ENOX1: variants seen among roughly 807,000 people sequenced by gnomAD.
The protein encoded by ENOX1 is ecto-NOX disulfide-thiol exchanger 1.
In ENOX1, 42 loss-of-function variants were observed where a neutral mutation model predicts 82.5. The ratio of observed to expected loss-of-function variants is 0.51; its 90% CI spans 0.40 to 0.66. The LOEUF (loss-of-function observed/expected upper bound fraction) is 0.66, where lower values mean the gene tolerates loss of function less well. Among genes scored for constraint, ENOX1 ranks in the 30% least tolerant of loss-of-function variants. The probability of loss-of-function intolerance (pLI) is 0.00; values close to 1 mark genes in which losing one functional copy is unlikely to be tolerated. For missense variants in ENOX1, 608 were observed against 811.6 expected (o/e 0.75, Z 3.05); for synonymous variants, 271 against 282.2 (o/e 0.96, Z 0.40).
chr13:43,616,120 C>CTATATAGATAGA lies in ENOX1; in HGVS notation c.-219+51358_-219+51359insTCTATCTATATA, dbSNP rs1566640764. The stretch of plus-strand genomic sequence containing the variant: ...TCTATATAGATAGATATCTATAGAT[C>CTATATAGATAGA]TATAGATATCTATCTATCTAGATAT... On this transcript the variant is annotated intron_variant, in intron 2 of 16. Coordinates refer to ENST00000690772, the MANE Select transcript of ENOX1 (RefSeq NM_001347969.2). Among the ~76,000 whole-genome samples, 2 of 11,356 alleles carry CTATATAGATAGA rather than the reference C, an allele frequency of 1.8e-4. 1 individual carries two copies. The highest frequency in any genetic ancestry group is 6.6e-4 in the African/African-American group (2 of 3,020). 7.4% of individuals were successfully genotyped at this position (11,356 alleles called of 152,430 possible).
At chr13:43,599,254 C>A (rs2081600385) in intron 2 of ENOX1, among the ~76,000 whole-genome samples, 1 of 152,044 alleles carries the variant, frequency 6.6e-6, no homozygotes, top group African/African-American at 2.4e-5. Context: ...CTGAAAGAGG[C>A]ACTGAAGAGG....
intron 1 of ENOX1, among the ~76,000 whole-genome samples, chr13:43,777,096 T>A (rs1406762257): frequency 2.0e-5 from 3 of 152,232 alleles, no homozygotes; most frequent in Non-Finnish European, 4.4e-5. Context: ...AAGGTTCGCT[T>A]GTTGCCATAC....
chr13:43,573,891 G>A (rs958558892), intron 2 of ENOX1, among the ~76,000 whole-genome samples: 1 of 152,116 alleles, frequency 6.6e-6, no homozygotes, highest in South Asian at 2.1e-4. Flanking sequence ...AGCATTAAAG[G>A]CTTTCCAAGG....
At position 43,265,430 on chromosome 13, in the gene ENOX1, C is replaced by T. The variant is rs764001017; in HGVS notation, c.1579G>A (p.Glu527Lys). 1.3e-5 allele frequency: 21 copies of T among 1,611,642 alleles called. No individual in the cohort carries two copies. The highest frequency in any genetic ancestry group is 6.7e-5 in the East Asian group (3 of 44,808). ...EQLKGTKELVETNGHSHEDSN... is the reference protein window; with the variant it reads ...EQLKGTKELVKTNGHSHEDSN... ...TCCTCATGGCTGTGGCCATTGGTCT[C>T]GACCAATTCCTTGGTACCTTTTAAC... Residue 527 changes from glutamate to lysine, a missense_variant, in exon 14 of 17, where the codon GAG becomes AAG. Coordinates refer to ENST00000690772, the MANE Select transcript of ENOX1 (RefSeq NM_001347969.2).
intron 2 of ENOX1, among the ~76,000 whole-genome samples, chr13:43,498,756 C>G (rs2076879322): frequency 6.6e-6 from 1 of 152,024 alleles, no homozygotes; most frequent in Non-Finnish European, 1.5e-5. Context: ...AGGAGCAGGA[C>G]AGTTAAAATG....
chr13:43,754,164 G>T (rs1289639109), intron 1 of ENOX1, among the ~76,000 whole-genome samples: 1 of 138,420 alleles, frequency 7.2e-6, no homozygotes, highest in East Asian at 2.0e-4. Flanking sequence ...ATGTATATAT[G>T]TATACATTAC....
intron 5 of ENOX1, among the ~76,000 whole-genome samples, chr13:43,396,579 C>A (rs2053166066): frequency 6.6e-6 from 1 of 152,062 alleles, no homozygotes; most frequent in Non-Finnish European, 1.5e-5. Context: ...CACGGTTTCA[C>A]CATGTTGGCC....
intron 3 of ENOX1, among the ~76,000 whole-genome samples, chr13:43,473,494 T>C (rs1030656012): frequency 6.6e-6 from 1 of 152,164 alleles, no homozygotes; most frequent in Admixed American, 6.5e-5. Flanking sequence ...ATCTTGAAAA[T>C]GTTTGCCTAT....
chr13:43,294,654 G>T (rs948919551), intron 12 of ENOX1, among the ~76,000 whole-genome samples: 5 of 152,142 alleles, frequency 3.3e-5, no homozygotes, highest in Non-Finnish European at 5.9e-5. Flanking sequence ...GAAAAATTAT[G>T]TCTACACAAA....
intron 14 of ENOX1, among the ~76,000 whole-genome samples, chr13:43,248,052 A>C (rs2043238458): frequency 6.8e-6 from 1 of 147,882 alleles, no homozygotes; most frequent in African/African-American, 2.5e-5. Flanking sequence ...CGCCTGTCTA[A>C]TTTTTTGTAT....
chr13:43,491,900 A>G (rs1175654037), intron 2 of ENOX1, among the ~76,000 whole-genome samples: 1 of 152,180 alleles, frequency 6.6e-6, no homozygotes, highest in East Asian at 1.9e-4. Flanking sequence ...TTCACCAGAA[A>G]TATCTGTTCC....
chr13:43,581,898 C>T (rs917454395), intron 2 of ENOX1, among the ~76,000 whole-genome samples: 2 of 152,150 alleles, frequency 1.3e-5, no homozygotes, highest in Admixed American at 1.3e-4. Context: ...AAAAAAGGAA[C>T]TATACAGAGT....
chr13:43,684,095 C>CAAAAAAAAAAAAAAAA (rs55919280), intron 1 of ENOX1, among the ~76,000 whole-genome samples: 5 of 106,470 alleles, frequency 4.7e-5, no homozygotes, highest in Non-Finnish European at 8.9e-5. Context: ...GACTCTGTCT[C>CAAAAAAAAAAAAAAAA]AAAAAAAAAA....
At chr13:43,577,514 C>T (rs1008531737) in intron 2 of ENOX1, among the ~76,000 whole-genome samples, 2 of 152,170 alleles carry the variant, frequency 1.3e-5, no homozygotes, top group Admixed American at 6.5e-5. Context: ...TGGCTGTATT[C>T]CCCTAAGGGG....
Position 43,786,931 on chromosome 13 carries a change from G to A in ENOX1, c.-564C>T, listed in dbSNP as rs1952672576. ...TGCTGAGGGGCGCTGGAGACTCCGC[G>A]GCTGGAGGCGCGCGGGCGTGCGCAC... On this transcript the variant is annotated 5_prime_UTR_variant, in exon 1 of 17. Coordinates refer to ENST00000690772, the MANE Select transcript of ENOX1 (RefSeq NM_001347969.2). The surrounding 1 kb of genome is among the most constrained non-coding windows in gnomAD (Gnocchi z 6.0). 6.6e-6 allele frequency: 1 copy of A among 151,460 alleles called. No individual in the cohort carries two copies. Among genetic ancestry groups the A allele is most frequent in the Non-Finnish European group, 1.5e-5 (1 of 67,816 alleles). 9.4% of individuals were successfully genotyped at this position (151,460 alleles called of 1,614,324 possible).
At position 43,494,129 on chromosome 13, in the gene ENOX1, T is replaced by C. The variant is rs183340811; in HGVS notation, c.-218-9977A>G. Among the ~76,000 whole-genome samples, 225 of 152,246 alleles carry C rather than the reference T, an allele frequency of 1.5e-3. 1 individual carries two copies. Among genetic ancestry groups the C allele is most frequent in the Middle Eastern group, 3.4e-3 (1 of 294 alleles). On this transcript the variant is annotated intron_variant, in intron 2 of 16. Coordinates refer to ENST00000690772, the MANE Select transcript of ENOX1 (RefSeq NM_001347969.2). ...TCTCTCCCTTGACATGTGGGGATTA[T>C]GGGGATTACAATTCAAGATGAGATT...
chr13:43,250,851 A>ATGAT (rs376332114), intron 14 of ENOX1, among the ~76,000 whole-genome samples: 2 of 152,370 alleles, frequency 1.3e-5, no homozygotes, highest in African/African-American at 4.8e-5. Context: ...TAAATACAGT[A>ATGAT]TGATATAAGC....
chr13:43,479,689 T>C (rs1351604619), intron 3 of ENOX1, among the ~76,000 whole-genome samples: 1 of 152,150 alleles, frequency 6.6e-6, no homozygotes, highest in African/African-American at 2.4e-5. Context: ...AGAAGTGCAA[T>C]AGAATGGAAA....
intron 2 of ENOX1, among the ~76,000 whole-genome samples, chr13:43,501,263 C>A (rs1566392013): frequency 2.0e-5 from 3 of 151,414 alleles, no homozygotes; most frequent in East Asian, 1.9e-4. Context: ...TCACAAGAGA[C>A]AAAGATCATT....
Sources: gnomAD v4.1 joint callset for allele counts (sites outside exome capture counted in the v4.1 genomes callset) on GRCh38, gnomAD v4.1.1 for gene constraint, Gnocchi (gnomAD v3.1) non-coding constraint, MANE v1.5 for transcripts, NCBI Gene and HGNC (gene_info 2026-07-23, HGNC 2026-07-21) for gene names.